The following PCDHA3 variants were observed in gnomAD, a reference collection of about 807,000 sequenced individuals.
PCDHA3 encodes protocadherin alpha-3.
In PCDHA3, 41 loss-of-function variants were observed where a neutral mutation model predicts 62.2. The observed-to-expected ratio is 0.66, with a 90% confidence interval of 0.51 to 0.86. The LOEUF (loss-of-function observed/expected upper bound fraction) is 0.86. Ranked by LOEUF, PCDHA3 falls within the 40% of genes least tolerant of loss-of-function variation. The pLI, the probability that PCDHA3 is intolerant of heterozygous loss-of-function variation, is 0.00. For synonymous variants in PCDHA3, 640 were observed against 555.4 expected, an observed-to-expected ratio of 1.15 and a Z score of -2.14; for missense variants, 1,304 against 1,241.2, an observed-to-expected ratio of 1.05 and a Z score of -0.76.
At chr5:141,009,167 G>A (rs2098401919) in intron 3 of PCDHA3, among the ~76,000 whole-genome samples, 1 of 152,180 alleles carries the variant, frequency 6.6e-6, no homozygotes, top group African/African-American at 2.4e-5. Flanking sequence ...TGTAAATACT[G>A]GCCTTGGCTG....
intron 1 of PCDHA3, among the ~76,000 whole-genome samples, chr5:140,923,207 A>G (rs2081229144): frequency 6.6e-6 from 1 of 152,144 alleles, no homozygotes. Flanking sequence ...TGGGAGGCTA[A>G]GGTGAAAGGA....
chr5:140,803,871 A>T (rs1235800648), intron 1 of PCDHA3: 2 of 556,930 alleles, frequency 3.6e-6, no homozygotes, highest in Non-Finnish European at 6.3e-6. Flanking sequence ...TAAGACAAAT[A>T]TTTTTTCTTA....
intron 1 of PCDHA3, chr5:140,882,561 G>T (rs2059195927): frequency 1.2e-6 from 2 of 1,614,222 alleles, no homozygotes; most frequent in East Asian, 4.5e-5. Context: ...CTGTGTGGGC[G>T]GAGCGCGGAG....
chr5:140,827,902 C>T (rs1433520084), intron 1 of PCDHA3: 1 of 769,834 alleles, frequency 1.3e-6, no homozygotes, highest in East Asian at 2.5e-5. Context: ...CCTTTTGGAG[C>T]CGCATGATGT....
At chr5:140,817,274 T>C (rs1766102843) in intron 1 of PCDHA3, 2 of 152,288 alleles carry the variant, frequency 1.3e-5, no homozygotes, top group African/African-American at 2.4e-5. Context: ...TGAATGGAAC[T>C]GTGCTGCTGG....
intron 1 of PCDHA3, among the ~76,000 whole-genome samples, chr5:140,923,350 A>G (rs2081329332): frequency 6.6e-6 from 1 of 152,092 alleles, no homozygotes; most frequent in Non-Finnish European, 1.5e-5. Flanking sequence ...ACATAGTGGG[A>G]CCCTATCTTT....
chr5:140,858,255 C>A, intron 1 of PCDHA3: 1 of 1,596,962 alleles, frequency 6.3e-7, no homozygotes, highest in Non-Finnish European at 8.6e-7. Context: ...GTGAAGCCCA[C>A]GCTGGTGTGC....
At chr5:140,952,242 C>T (rs1469286013) in intron 1 of PCDHA3, among the ~76,000 whole-genome samples, 2 of 151,750 alleles carry the variant, frequency 1.3e-5, no homozygotes, top group African/African-American at 4.8e-5. Context: ...CTGCTTAGAA[C>T]TGCTGGTGGA....
chr5:140,831,783 C>CCTCTATTT, intron 1 of PCDHA3, among the ~76,000 whole-genome samples: 1 of 152,198 alleles, frequency 6.6e-6, no homozygotes, highest in East Asian at 1.9e-4. Context: ...GATTGTTTCA[C>CCTCTATTT]CTCTATTTCA....
chr5:140,962,087 A>G (rs1284028102), intron 1 of PCDHA3, among the ~76,000 whole-genome samples: 10 of 151,912 alleles, frequency 6.6e-5, no homozygotes, highest in Non-Finnish European at 1.3e-4. Flanking sequence ...GGGTTTCACC[A>G]TGTTAGCCAG....
chr5:140,855,887 C>A, intron 1 of PCDHA3: 1 of 985,610 alleles, frequency 1.0e-6, no homozygotes, highest in Non-Finnish European at 1.5e-6. Flanking sequence ...CTTTTTAGAA[C>A]AAAGGCATCA....
At chr5:140,876,859 T>A in intron 1 of PCDHA3, 1 of 1,614,068 alleles carries the variant, frequency 6.2e-7, no homozygotes, top group Non-Finnish European at 8.5e-7. Flanking sequence ...GTACACAGTG[T>A]TCGTGAAGGA....
chr5:140,848,619 G>A (rs2150415128), intron 1 of PCDHA3: 2 of 1,593,396 alleles, frequency 1.3e-6, no homozygotes, highest in Admixed American at 1.7e-5. Context: ...AGCCGAACAC[G>A]GCACCTTCGT....
chr5:140,848,397 A>C, intron 1 of PCDHA3: 2 of 1,283,802 alleles, frequency 1.6e-6, no homozygotes, highest in Non-Finnish European at 2.2e-6. Flanking sequence ...CTCTGTGCTG[A>C]ACGATGGCGA....
At chr5:140,828,654 A>G (rs1769871452) in intron 1 of PCDHA3, 1 of 1,614,224 alleles carries the variant, frequency 6.2e-7, no homozygotes, top group South Asian at 1.1e-5. Flanking sequence ...AACAGTGATG[A>G]CAATAAACAA....
chr5:140,900,360 C>T (rs952432002), intron 1 of PCDHA3, among the ~76,000 whole-genome samples: 2 of 152,168 alleles, frequency 1.3e-5, no homozygotes, highest in Non-Finnish European at 2.9e-5. Flanking sequence ...TCACCGCAAC[C>T]TCTGCCTCCT....
At chr5:140,828,377 T>C in intron 1 of PCDHA3, 1 of 1,614,222 alleles carries the variant, frequency 6.2e-7, no homozygotes, top group Non-Finnish European at 8.5e-7. Flanking sequence ...CGAGGAGCTG[T>C]GCGGGCGGAG....
intron 3 of PCDHA3, among the ~76,000 whole-genome samples, chr5:141,003,794 G>A (rs1158199764): frequency 6.6e-6 from 1 of 152,102 alleles, no homozygotes; most frequent in Non-Finnish European, 1.5e-5. Context: ...AAATCCTATT[G>A]GGTTGTAATC....
chr5:140,850,585 A>T lies in PCDHA3; in HGVS notation c.2394+46994A>T. 6.3e-6 allele frequency: 10 copies of T among 1,598,426 alleles called. 3 individuals carry two copies. Among genetic ancestry groups the T allele is most frequent in the African/African-American group, 1.3e-5 (1 of 74,476 alleles). On this transcript the variant is annotated intron_variant, in intron 1 of 3. Transcript: ENST00000522353. ...CCCGAGGTGACGCTGGTGGATGTCA[A>T]CGTGTACCTGATCATCGCCATCTGC... is the stretch of plus-strand genomic sequence containing the variant.
Sources: allele counts gnomAD v4.1 joint callset (sites outside exome capture counted in the v4.1 genomes callset), GRCh38; gene constraint gnomAD v4.1.1; transcripts MANE v1.5; gene names NCBI Gene and HGNC (gene_info 2026-07-23, HGNC 2026-07-21).